Variants in CDH13 observed in about 807,000 individuals in gnomAD.
The protein encoded by CDH13 is cadherin 13.
In CDH13, 24 loss-of-function variants were observed where a neutral mutation model predicts 63.8. The observed-to-expected ratio is 0.38, with a 90% CI of 0.27 to 0.53. The LOEUF (loss-of-function observed/expected upper bound fraction) is 0.53. Ranked by LOEUF, CDH13 falls within the 20% of genes least tolerant of loss-of-function variation. The pLI is 0.85. For synonymous variants in CDH13, 503 were observed against 355.3 expected (o/e 1.42, Z -4.67); for missense variants, 1,049 against 903.1 (o/e 1.16, Z -2.07).
intron 7 of CDH13, among the ~76,000 whole-genome samples, chr16:83,594,507 G>C (rs146806439): frequency 2.0e-5 from 3 of 152,300 alleles, no homozygotes; most frequent in Non-Finnish European, 4.4e-5. Context: ...TCTGTGCTGT[G>C]AATAATGACC....
chr16:82,913,185 TA>T (rs2041885859), intron 2 of CDH13, among the ~76,000 whole-genome samples: 1 of 152,176 alleles, frequency 6.6e-6, no homozygotes, highest in African/African-American at 2.4e-5. Context: ...TAAAATGGTC[TA>T]AAAAGTGTTT....
intron 3 of CDH13, among the ~76,000 whole-genome samples, chr16:83,069,672 C>G (rs148403756): frequency 7.4e-4 from 113 of 152,290 alleles, no homozygotes; most frequent in African/African-American, 2.4e-3. Flanking sequence ...GCCTCATCCT[C>G]TTGTCTTTTC....
At chr16:83,039,058 G>A (rs1253335593) in intron 3 of CDH13, among the ~76,000 whole-genome samples, 1 of 152,224 alleles carries the variant, frequency 6.6e-6, no homozygotes, top group Non-Finnish European at 1.5e-5. Flanking sequence ...GAATTTAGAT[G>A]CCTACGGCCA....
At chr16:83,510,079 G>T (rs1567723902) in intron 7 of CDH13, among the ~76,000 whole-genome samples, 1 of 152,194 alleles carries the variant, frequency 6.6e-6, no homozygotes, top group Non-Finnish European at 1.5e-5. Flanking sequence ...ACTCAGCCCA[G>T]TAGCCCTGTG....
chr16:83,471,873 C>G (rs1361878060), intron 6 of CDH13, among the ~76,000 whole-genome samples: 1 of 152,140 alleles, frequency 6.6e-6, no homozygotes, highest in Admixed American at 6.5e-5. Flanking sequence ...ATTGTTGAGG[C>G]TTAATATTGA....
At chr16:82,806,533 C>T (rs1030758768) in intron 1 of CDH13, among the ~76,000 whole-genome samples, 7 of 152,092 alleles carry the variant, frequency 4.6e-5, no homozygotes, top group Non-Finnish European at 1.0e-4. Flanking sequence ...TTATCTCTCT[C>T]CTGAGGCAAT....
rs57483048 is a variant in CDH13, at chr16:83,030,654, AAAAAAAAAAGCACCCTGTGTGATTCTGAT to A, written c.158-1355_158-1327del. On this transcript the variant is annotated intron_variant, in intron 2 of 13. Coordinates refer to ENST00000567109, the MANE Select transcript of CDH13 (RefSeq NM_001257.5). ...CAAGACTCTGTTAAAAAAAAAAAAA[AAAAAAAAAAGCACCCTGTGTGATTCTGAT>A]GCACCCCAATCCTTGAGAAGCACTC... 2.7e-5 allele frequency among the ~76,000 whole-genome samples: 4 copies of A among 150,824 alleles called. No individual in the cohort carries two copies. The East Asian group carries it at 5.8e-4, about 22-fold the overall frequency.
rs530248218 is a variant in CDH13, at chr16:83,047,461, T to G, written c.366+15243T>G. 6.6e-6 allele frequency among the ~76,000 whole-genome samples: 1 copy of G among 152,244 alleles called. No homozygotes were observed. Among genetic ancestry groups the G allele is most frequent in the South Asian group, 2.1e-4 (1 of 4,834 alleles). On this transcript the variant is annotated intron_variant, in intron 3 of 13. Transcript: ENST00000567109. This position sits in a 1 kb window ranked among gnomAD's most constrained non-coding sequence, Gnocchi z 4.9. ...GTGACCACCAGTCTTATTTACCTTG[T>G]TATCTGTAATTTCCTCTTTCCCTCA... is the stretch of plus-strand genomic sequence containing the variant.
intron 2 of CDH13, among the ~76,000 whole-genome samples, chr16:83,001,692 G>T (rs934331472): frequency 6.6e-6 from 1 of 152,202 alleles, no homozygotes. Flanking sequence ...GGTTCTGTGT[G>T]ACCATTTACA....
At chr16:82,756,660 T>C (rs1236556943) in intron 1 of CDH13, among the ~76,000 whole-genome samples, 1 of 152,144 alleles carries the variant, frequency 6.6e-6, no homozygotes, top group African/African-American at 2.4e-5. Context: ...TAGTATTAGC[T>C]ACTATTAGCA....
chr16:83,750,986 A>AAC (rs1162141663), intron 11 of CDH13, among the ~76,000 whole-genome samples: 5 of 152,098 alleles, frequency 3.3e-5, no homozygotes, highest in African/African-American at 4.8e-5. Flanking sequence ...TAAAAAAAAA[A>AAC]AAAAACAGGT....
intron 5 of CDH13, among the ~76,000 whole-genome samples, chr16:83,232,085 A>G (rs2040011618): frequency 6.6e-6 from 1 of 152,108 alleles, no homozygotes; most frequent in South Asian, 2.1e-4. Context: ...GGATCAGGAA[A>G]CATAACTAAT....
intron 3 of CDH13, among the ~76,000 whole-genome samples, chr16:83,032,878 G>A (rs1406854729): frequency 1.3e-5 from 2 of 152,194 alleles, no homozygotes; most frequent in Non-Finnish European, 2.9e-5. Context: ...AAAGGAAATG[G>A]ATGGTGGATA....
At chr16:82,718,903 A>G (rs1378010775) in intron 1 of CDH13, among the ~76,000 whole-genome samples, 1 of 152,158 alleles carries the variant, frequency 6.6e-6, no homozygotes, top group Non-Finnish European at 1.5e-5. Context: ...CCAGAGTGAA[A>G]GGAGTTGAGA....
At chr16:83,664,173 A>G (rs1913714772) in intron 8 of CDH13, among the ~76,000 whole-genome samples, 1 of 152,020 alleles carries the variant, frequency 6.6e-6, no homozygotes, top group Non-Finnish European at 1.5e-5. Context: ...AAAGGAGAAG[A>G]AAAAGATGCT....
intron 5 of CDH13, among the ~76,000 whole-genome samples, chr16:83,301,024 G>GTTTTTTTTTTTTTTTTTTTT (rs1567574870): frequency 1.5e-4 from 8 of 53,990 alleles, no homozygotes; most frequent in African/African-American, 4.7e-4. Context: ...AACTTTCTGG[G>GTTTTTTTTTTTTTTTTTTTT]GTTTTTTTTT....
At chr16:82,857,777 A>G (rs942364546) in intron 1 of CDH13, among the ~76,000 whole-genome samples, 5 of 152,188 alleles carry the variant, frequency 3.3e-5, no homozygotes, top group Admixed American at 1.3e-4. Context: ...ACTATTTTAC[A>G]TTCTTTTCCT....
intron 1 of CDH13, among the ~76,000 whole-genome samples, chr16:82,692,606 G>A (rs541647935): frequency 6.6e-6 from 1 of 152,324 alleles, no homozygotes; most frequent in South Asian, 2.1e-4. Context: ...TACAATTCAA[G>A]ATGAGATTTG....
At chr16:83,184,929 C>A (rs979030015) in intron 4 of CDH13, among the ~76,000 whole-genome samples, 1 of 143,024 alleles carries the variant, frequency 7.0e-6, no homozygotes, top group Non-Finnish European at 1.5e-5. Flanking sequence ...GTAGTAGCAG[C>A]TTATTTTTTT....
Sources: gnomAD v4.1 joint callset for allele counts (sites outside exome capture counted in the v4.1 genomes callset) on GRCh38, gnomAD v4.1.1 for gene constraint, Gnocchi (gnomAD v3.1) non-coding constraint, MANE v1.5 for transcripts, NCBI Gene and HGNC (gene_info 2026-07-23, HGNC 2026-07-21) for gene names.